Variants in PCDHGA7 observed in about 807,000 individuals in gnomAD.
PCDHGA7 encodes the protein protocadherin gamma-A7.
PCDHGA7 carries 44 observed loss-of-function variants against 58.3 expected under a neutral mutation model. The observed-to-expected ratio is 0.75, with a 90% CI of 0.59 to 0.97. The LOEUF is 0.97. Ranked by LOEUF, PCDHGA7 falls within the 50% of genes least tolerant of loss-of-function variation. PCDHGA7 has a pLI of 0.00. For synonymous variants in PCDHGA7, 516 were observed against 504.2 expected, an observed-to-expected ratio of 1.02 and a Z score of -0.31; for missense variants, 1,266 against 1,188.7, an observed-to-expected ratio of 1.06 and a Z score of -0.96.
chr5:141,478,428 C>T (rs2154576655), intron 1 of PCDHGA7: 1 of 1,613,746 alleles, frequency 6.2e-7, no homozygotes, highest in Non-Finnish European at 8.5e-7. Flanking sequence ...CGCAGCGACC[C>T]GCTGCTGAAG....
intron 1 of PCDHGA7, chr5:141,405,384 CA>C: frequency 1.9e-6 from 3 of 1,600,664 alleles, no homozygotes; most frequent in Non-Finnish European, 2.6e-6. Context: ...CCGGTGAGTT[CA>C]TTTTTTTTCT....
At chr5:141,427,923 C>T (rs2097089935) in intron 1 of PCDHGA7, 3 of 1,580,656 alleles carry the variant, frequency 1.9e-6, no homozygotes, top group African/African-American at 1.3e-5. Context: ...CATGAGCCGG[C>T]GCATGTTGGT....
At chr5:141,407,590 T>C (rs186034148) in intron 1 of PCDHGA7, among the ~76,000 whole-genome samples, 64 of 152,240 alleles carry the variant, frequency 4.2e-4, no homozygotes, top group Non-Finnish European at 7.1e-4. Context: ...CCTTAATGTC[T>C]CATCTTAAAA....
rs2093886414 is a variant in PCDHGA7 at position 141,399,784 on chromosome 5, G to C, written c.2424+14461G>C. On this transcript the variant is annotated intron_variant, in intron 1 of 3. Transcript: ENST00000518325. ...GCGCGTGTTGGTGGGCGACCGAAAC[G>C]ACAACGCACCGCGGGTGCTGTACCC... The C allele has an allele frequency of 2.5e-6, 4 of 1,613,288 alleles. No homozygotes were observed. The East Asian group carries it at 6.7e-5, about 27-fold the overall frequency.
intron 1 of PCDHGA7, chr5:141,389,156 T>C (rs2091626888): frequency 6.2e-7 from 1 of 1,613,950 alleles, no homozygotes; most frequent in Non-Finnish European, 8.5e-7. Flanking sequence ...CGGCAACAGA[T>C]CGGGGCAAGC....
intron 1 of PCDHGA7, chr5:141,413,448 G>A (rs781717265): frequency 3.1e-6 from 5 of 1,614,122 alleles, no homozygotes; most frequent in Non-Finnish European, 4.2e-6. Context: ...TGATCACCGC[G>A]GGCAGGATAG....
intron 1 of PCDHGA7, chr5:141,393,482 T>G (rs116240246): frequency 4.3e-6 from 7 of 1,614,070 alleles, no homozygotes; most frequent in Middle Eastern, 1.6e-4. Context: ...CGCCTCGCTC[T>G]AGCACAGTGC....
At chr5:141,473,511 C>T (rs952034051) in intron 1 of PCDHGA7, among the ~76,000 whole-genome samples, 23 of 152,108 alleles carry the variant, frequency 1.5e-4, no homozygotes, top group Non-Finnish European at 3.1e-4. Flanking sequence ...GAGAGCATAA[C>T]AAAGGATCCT....
intron 2 of PCDHGA7, among the ~76,000 whole-genome samples, chr5:141,501,983 C>G (rs957901405): frequency 6.6e-6 from 1 of 152,068 alleles, no homozygotes; most frequent in Non-Finnish European, 1.5e-5. Flanking sequence ...CATCTGGTCC[C>G]GTTGTCTCCC....
chr5:141,446,692 G>T (rs543476108), intron 1 of PCDHGA7, among the ~76,000 whole-genome samples: 2 of 152,280 alleles, frequency 1.3e-5, no homozygotes, highest in African/African-American at 4.8e-5. Context: ...TGGCCAGGCT[G>T]GTCTCGAACT....
intron 1 of PCDHGA7, chr5:141,413,829 C>T (rs923860929): frequency 1.1e-5 from 18 of 1,613,176 alleles, no homozygotes; most frequent in Non-Finnish European, 1.4e-5. Flanking sequence ...TCCTCACCGC[C>T]TCCGACGGGG....
chr5:141,509,371 T>C (rs2099876508), intron 3 of PCDHGA7, among the ~76,000 whole-genome samples: 1 of 152,258 alleles, frequency 6.6e-6, no homozygotes, highest in South Asian at 2.1e-4. Context: ...AGGTTTTAAC[T>C]GTCTCCTAAC....
intron 1 of PCDHGA7, chr5:141,400,587 C>T: frequency 6.2e-7 from 1 of 1,606,696 alleles, no homozygotes; most frequent in South Asian, 1.1e-5. Flanking sequence ...TTACATGAAA[C>T]TATCGTACAT....
chr5:141,480,816 G>A (rs1400500941), intron 1 of PCDHGA7, among the ~76,000 whole-genome samples: 4 of 152,208 alleles, frequency 2.6e-5, no homozygotes, highest in Admixed American at 2.0e-4. Flanking sequence ...GGAGGCTGAG[G>A]TGGGTGGATC....
intron 1 of PCDHGA7, among the ~76,000 whole-genome samples, chr5:141,455,201 CAATAAGAGTTTTT>C (rs1373301624): frequency 6.6e-6 from 1 of 151,722 alleles, no homozygotes; most frequent in Non-Finnish European, 1.5e-5. Flanking sequence ...AATTTACAAC[CAATAAGAGTTTTT>C]AATGCTTTGA....
intron 1 of PCDHGA7, among the ~76,000 whole-genome samples, chr5:141,464,912 T>A (rs1303305860): frequency 2.6e-5 from 4 of 152,092 alleles, no homozygotes; most frequent in Non-Finnish European, 5.9e-5. Context: ...CTAATTTTTT[T>A]ATTTTTTTGT....
rs1308866536 is a variant in PCDHGA7 at position 141,464,896 on chromosome 5, GT to G, written c.2425-29910del. On this transcript the variant is annotated intron_variant, in intron 1 of 3. Coordinates refer to ENST00000518325, the MANE Select transcript of PCDHGA7 (RefSeq NM_018920.4). ...TAGGACTACAGATGGATGCCACCAT[GT>G]CCAGCTAATTTTTTTATTTTTTTGT... 2.0e-5 allele frequency among the ~76,000 whole-genome samples: 3 copies of G among 151,672 alleles called. No homozygotes were observed. The East Asian group carries it at 5.8e-4, about 30-fold the overall frequency.
At chr5:141,394,657 G>A (rs1179529074) in intron 1 of PCDHGA7, 2 of 1,613,220 alleles carry the variant, frequency 1.2e-6, no homozygotes, top group East Asian at 2.2e-5. Flanking sequence ...AGCGAGCCGG[G>A]ACTCTTCTCG....
At chr5:141,410,858 T>A in intron 1 of PCDHGA7, 1 of 436,188 alleles carries the variant, frequency 2.3e-6, no homozygotes, top group Non-Finnish European at 3.8e-6. Context: ...TCTTTTTTTT[T>A]TTTTTTTTTT....
Sources: gnomAD v4.1 joint callset for allele counts (sites outside exome capture counted in the v4.1 genomes callset) on GRCh38, gnomAD v4.1.1 for gene constraint, MANE v1.5 for transcripts, NCBI Gene and HGNC (gene_info 2026-07-23, HGNC 2026-07-21) for gene names.